The following ACSF3 variants were observed in gnomAD, a reference collection of about 807,000 sequenced individuals.
The protein encoded by ACSF3 is malonate--CoA ligase ACSF3, mitochondrial.
A neutral mutation model predicts 53.2 loss-of-function variants in ACSF3; 78 were observed. That is an observed-to-expected ratio of 1.47 (90% CI 1.22 to 1.77). The LOEUF (loss-of-function observed/expected upper bound fraction) is 1.77. Ranked by LOEUF, ACSF3 falls within the 40% of genes most tolerant of loss-of-function variation. The probability of loss-of-function intolerance (pLI) is 0.00; values close to 1 mark genes in which losing one functional copy is unlikely to be tolerated. For missense variants in ACSF3, 937 were observed against 771.1 expected (o/e 1.22, Z -2.55); for synonymous variants, 414 against 333.1 (o/e 1.24, Z -2.65).
intron 7 of ACSF3, among the ~76,000 whole-genome samples, chr16:89,126,943 C>T (rs893018284): frequency 4.6e-5 from 7 of 152,118 alleles, no homozygotes; most frequent in Non-Finnish European, 1.0e-4. Flanking sequence ...TGTGCTTAGA[C>T]TTTTTATCAC....
Position 89,154,137 on chromosome 16 carries a change from A to G in ACSF3, c.1661A>G (p.Glu554Gly), listed in dbSNP as rs1187486756. 4.3e-6 allele frequency: 7 copies of G among 1,613,340 alleles called. No individual in the cohort carries two copies. The highest frequency in any genetic ancestry group is 3.3e-4 in the Middle Eastern group (2 of 6,060). The change falls in exon 11 of 11, where the codon GAG becomes GGG. Residue 554 changes from glutamate (E) to glycine (G), a missense_variant. Transcript: ENST00000614302. ...GTGCCCTCGGAGCTGGTGCTGGTGG[A>G]GGAGATCCCGCGGAACCAGATGGGC... is the stretch of plus-strand genomic sequence containing the variant. ...YAVPSELVLV[E>G]EIPRNQMGKI...
At chr16:89,102,048 T>C (rs1192631697) in intron 3 of ACSF3, among the ~76,000 whole-genome samples, 4 of 152,256 alleles carry the variant, frequency 2.6e-5, no homozygotes, top group Admixed American at 1.3e-4. Flanking sequence ...CTGGAGCCTG[T>C]GCAGGCAGCA....
chr16:89,128,251 T>A lies in ACSF3; in HGVS notation c.1240-4885T>A, dbSNP rs368356353. 8.8e-4 allele frequency among the ~76,000 whole-genome samples: 131 copies of A among 149,588 alleles called. 1 individual carries two copies. The East Asian group carries it at 0.01, about 12-fold the overall frequency. On this transcript the variant is annotated intron_variant, in intron 7 of 10. Transcript: ENST00000614302. ...AAATTTATATATAATATATATATAT[T>A]TTTTTCTTTTTTCTTTTTTTTTTTT...
Position 89,146,047 on chromosome 16 carries a change from C to T in ACSF3, c.1611C>T (p.Ala537=). 8.5e-7 allele frequency: 1 copy of T among 1,176,692 alleles called. No homozygotes were observed. Among genetic ancestry groups the T allele is most frequent in the Non-Finnish European group, 1.2e-6 (1 of 828,838 alleles). 72.9% of individuals were successfully genotyped at this position (1,176,692 alleles called of 1,614,324 possible). The stretch of plus-strand genomic sequence containing the variant: ...CCCACAGGGAGCTCAAAGAGTGGGC[C>T]AGGTAGGGCTGGGTGGGGCGGGCAG... The part of the protein sequence containing the change: ...SLSHRELKEW[A]RNVLAPYAVP... The change falls in exon 10 of 11, where the codon GCC becomes GCT. Residue 537 remains alanine (A), a splice_region_variant and synonymous_variant. Coordinates refer to ENST00000614302, the MANE Select transcript of ACSF3 (RefSeq NM_001243279.3).
chr16:89,104,574 G>A (rs1285080395), intron 4 of ACSF3, among the ~76,000 whole-genome samples: 3 of 152,172 alleles, frequency 2.0e-5, no homozygotes, highest in African/African-American at 7.2e-5. Flanking sequence ...TCGCCAGGAA[G>A]GGGTCCCTGC....
intron 4 of ACSF3, among the ~76,000 whole-genome samples, chr16:89,107,481 C>T (rs1021225909): frequency 6.6e-6 from 1 of 152,218 alleles, no homozygotes; most frequent in African/African-American, 2.4e-5. Context: ...CTCCGTTTTC[C>T]GTGCCTCAGT....
At chr16:89,119,895 G>T (rs553136820) in intron 6 of ACSF3, among the ~76,000 whole-genome samples, 14 of 152,192 alleles carry the variant, frequency 9.2e-5, no homozygotes, top group Non-Finnish European at 1.6e-4. Flanking sequence ...TTGAAGTGCC[G>T]GAAATCTCAG....
At chr16:89,095,403 TTGAATGTACTGCTCA>T (rs1974493611) in intron 1 of ACSF3, 1 of 152,238 alleles carries the variant, frequency 6.6e-6, no homozygotes, top group African/African-American at 2.4e-5. Flanking sequence ...TTTTTTTTAT[TTGAATGTACTGCTCA>T]TGAATGCAAT....
chr16:89,142,871 A>G (rs1316105661), intron 8 of ACSF3, among the ~76,000 whole-genome samples: 1 of 152,226 alleles, frequency 6.6e-6, no homozygotes, highest in African/African-American at 2.4e-5. Context: ...CTTGCATCTA[A>G]TCAGCCATTG....
chr16:89,144,353 G>A (rs1290759686), intron 8 of ACSF3, among the ~76,000 whole-genome samples: 7 of 152,236 alleles, frequency 4.6e-5, no homozygotes, highest in African/African-American at 7.2e-5. Flanking sequence ...GGGCAGCCCC[G>A]GCCATTGTTC....
intron 8 of ACSF3, among the ~76,000 whole-genome samples, chr16:89,140,448 TCCTTGGGCAGGG>T (rs1301796517): frequency 2.0e-5 from 3 of 151,676 alleles, no homozygotes; most frequent in African/African-American, 4.8e-5. Flanking sequence ...TTGGGCGGGG[TCCTTGGGCAGGG>T]CCTTGGGCTT....
chr16:89,108,017 T>C (rs547755368), intron 4 of ACSF3, among the ~76,000 whole-genome samples: 1 of 152,292 alleles, frequency 6.6e-6, no homozygotes, highest in East Asian at 1.9e-4. Context: ...ACTTCTTACA[T>C]GGCGGTGGCA....
At position 89,154,425 on chromosome 16, in the gene ACSF3, C is replaced by G. The variant is rs1403486592; in HGVS notation, c.*218C>G. On this transcript the variant is annotated 3_prime_UTR_variant, in exon 11 of 11. Coordinates refer to ENST00000614302, the MANE Select transcript of ACSF3 (RefSeq NM_001243279.3). ...AAGGAGACCGTCCCTGGTGTCACCT[C>G]TGCCTGGTCACCGCCGACCTCATCT... 1.5e-6 allele frequency: 1 copy of G among 671,384 alleles called. No homozygotes were observed. Among genetic ancestry groups the G allele is most frequent in the Non-Finnish European group, 2.7e-6 (1 of 367,380 alleles). The allele number at this position is 671,384 out of a possible 1,614,324, so 41.6% of individuals were successfully genotyped here.
chr16:89,151,103 C>G (rs1597272198), intron 10 of ACSF3: 2 of 1,232,074 alleles, frequency 1.6e-6, no homozygotes, highest in Non-Finnish European at 2.1e-6. Context: ...TCGCCTCAGG[C>G]ATGCGGGCTC....
At chr16:89,133,405 G>T (rs753138556) in intron 8 of ACSF3, 143 bp downstream of exon 8, 1 of 1,182,620 alleles carries the variant, frequency 8.5e-7, no homozygotes, top group East Asian at 2.6e-5. Context: ...GGGGCTGGGG[G>T]CCACTGTTAC....
intron 4 of ACSF3, among the ~76,000 whole-genome samples, chr16:89,109,229 C>CAAAAA (rs773650798): frequency 8.7e-4 from 59 of 67,828 alleles, no homozygotes; most frequent in Non-Finnish European, 1.2e-3. Context: ...AAGACTGTCT[C>CAAAAA]AAAAAAAAAA....
In ACSF3 at chr16:89,146,042, TG is replaced by T. The variant is rs1912887899; in HGVS notation, c.1609del (p.Ala537ProfsTer135). 1 of 469,122 alleles carries T rather than the reference TG, an allele frequency of 2.1e-6. No individual in the cohort carries two copies. Among genetic ancestry groups the T allele is most frequent in the Non-Finnish European group, 4.1e-6 (1 of 246,610 alleles). The allele number at this position is 469,122 out of a possible 1,614,324, so 29.1% of individuals were successfully genotyped here. On this transcript the variant is annotated frameshift_variant, in exon 10 of 11. Coordinates refer to ENST00000614302, the MANE Select transcript of ACSF3 (RefSeq NM_001243279.3). LOFTEE classifies it high-confidence loss of function. ...ACTGTCCCACAGGGAGCTCAAAGAG[TG>T]GGCCAGGTAGGGCTGGGTGGGGCGG... is the stretch of plus-strand genomic sequence containing the variant. ...HSLSHRELKE[W>X]ARNVLAPYAV...
intron 7 of ACSF3, among the ~76,000 whole-genome samples, chr16:89,127,250 TCTC>T (rs1346268694): frequency 2.6e-5 from 4 of 152,076 alleles, no homozygotes; most frequent in Non-Finnish European, 4.4e-5. Context: ...GGAAGTGTTC[TCTC>T]CTCTTTTTTT....
Position 89,143,733 on chromosome 16 carries a change from G to C in ACSF3, c.1367-1534G>C, listed in dbSNP as rs575499774. ...GGCGCAGTGAGACCACTCTCCTGTC[G>C]GGGAGCCTCTGGTTTTTCTGCTACC... On this transcript the variant is annotated intron_variant, in intron 8 of 10. Transcript: ENST00000614302. Among the ~76,000 whole-genome samples, 3 of 152,184 alleles carry C rather than the reference G, an allele frequency of 2.0e-5. No individual in the cohort carries two copies. In the East Asian group the frequency reaches 5.8e-4, roughly 29 times the overall value.
Sources: allele counts gnomAD v4.1 joint callset (sites outside exome capture counted in the v4.1 genomes callset), GRCh38; gene constraint gnomAD v4.1.1; transcripts MANE v1.5; gene names NCBI Gene and HGNC (gene_info 2026-07-23, HGNC 2026-07-21).